The following SLC24A3 variants were observed in gnomAD, a reference collection of about 807,000 sequenced individuals.
SLC24A3 encodes solute carrier family 24 member 3, also known as sodium/potassium/calcium exchanger 3.
A neutral mutation model predicts 75.8 loss-of-function variants in SLC24A3; 28 were observed. The observed-to-expected ratio is 0.37, with a 90% CI of 0.27 to 0.51. The LOEUF (loss-of-function observed/expected upper bound fraction) is 0.51, where lower values mean the gene tolerates loss of function less well. Ranked by LOEUF, SLC24A3 falls within the 20% of genes least tolerant of loss-of-function variation. The pLI, the probability that SLC24A3 is intolerant of heterozygous loss-of-function variation, is 0.94. For missense variants in SLC24A3, 663 were observed against 847.8 expected (o/e 0.78, Z 2.71); for synonymous variants, 372 against 334.1 (o/e 1.11, Z -1.24).
chr20:19,384,391 A>G (rs1052123449), intron 2 of SLC24A3, among the ~76,000 whole-genome samples: 1 of 152,142 alleles, frequency 6.6e-6, no homozygotes, highest in Admixed American at 6.5e-5. Context: ...CAGGAGCTTG[A>G]CTTTTTTAGA....
chr20:19,213,032 T>TC (rs1245329091), intron 1 of SLC24A3, 48 bp downstream of exon 1: 2 of 1,192,086 alleles, frequency 1.7e-6, no homozygotes, highest in Admixed American at 8.8e-5. Context: ...CTCCGGCGGC[T>TC]CGGGGCTCCC....
rs1002720656 is a variant in SLC24A3 at position 19,389,345 on chromosome 20, A to G, written c.271+108258A>G. On this transcript the variant is annotated intron_variant, in intron 2 of 16. Coordinates refer to ENST00000328041, the MANE Select transcript of SLC24A3 (RefSeq NM_020689.4). The stretch of plus-strand genomic sequence containing the variant: ...TTATACTTTTACATGCTTTCATGTT[A>G]GTATTCTTTTGTTTCTACTTGAAGA... 2.0e-5 allele frequency among the ~76,000 whole-genome samples: 3 copies of G among 152,226 alleles called. No individual in the cohort carries two copies. In the South Asian group the frequency reaches 6.2e-4, roughly 32 times the overall value.
At position 19,685,372 on chromosome 20, in the gene SLC24A3, C is replaced by T. The variant is rs2032664658; in HGVS notation, c.1324+11C>T. 1 of 1,611,316 alleles carries T rather than the reference C, an allele frequency of 6.2e-7. No individual in the cohort carries two copies. Among genetic ancestry groups the T allele is most frequent in the Non-Finnish European group, 8.5e-7 (1 of 1,177,782 alleles). ...CATTCGACACCCCCTGTAAGAGGTT[C>T]TATGTCTGGGCTGGGGTTGGGAGCT... On this transcript the variant is annotated intron_variant, in intron 12 of 16. Transcript: ENST00000328041.
At chr20:19,618,950 A>G (rs919198612) in intron 6 of SLC24A3, among the ~76,000 whole-genome samples, 1 of 152,192 alleles carries the variant, frequency 6.6e-6, no homozygotes, top group Non-Finnish European at 1.5e-5. Context: ...CCCACAAACC[A>G]AACTGTAAAA....
At chr20:19,454,186 G>T (rs1321841801) in intron 2 of SLC24A3, among the ~76,000 whole-genome samples, 2 of 152,144 alleles carry the variant, frequency 1.3e-5, no homozygotes, top group Admixed American at 1.3e-4. Context: ...AGGCTGGGCA[G>T]CTGGGCTTGC....
chr20:19,343,093 A>G (rs1568594829), intron 2 of SLC24A3, among the ~76,000 whole-genome samples: 2 of 146,294 alleles, frequency 1.4e-5, no homozygotes, highest in Admixed American at 1.4e-4. Flanking sequence ...AAGAAAAAAG[A>G]AAAAGAAAAA....
At chr20:19,511,433 T>C (rs1419670830) in intron 2 of SLC24A3, among the ~76,000 whole-genome samples, 1 of 151,804 alleles carries the variant, frequency 6.6e-6, no homozygotes, top group Non-Finnish European at 1.5e-5. Flanking sequence ...GTTCACGCCA[T>C]TCTCCTGCCT....
intron 1 of SLC24A3, among the ~76,000 whole-genome samples, chr20:19,225,294 C>T (rs757999939): frequency 1.6e-4 from 25 of 152,186 alleles, no homozygotes; most frequent in Non-Finnish European, 2.8e-4. Context: ...GCTTTGTAAA[C>T]GTGATATGAA....
intron 1 of SLC24A3, among the ~76,000 whole-genome samples, chr20:19,267,479 A>G (rs967140441): frequency 6.6e-6 from 1 of 152,240 alleles, no homozygotes; most frequent in African/African-American, 2.4e-5. Context: ...AAGGTGTTGC[A>G]TTTACATATT....
rs1277169969 is a variant in SLC24A3 at position 19,495,095 on chromosome 20, T to G, written c.272-20393T>G. Reference sequence around the variant, plus strand: ...GAGGCAGGAGCTGGCCTTTGTACCCTAGTGTCTACCACCCCTCTTGGAGTG... The same window carrying G: ...GAGGCAGGAGCTGGCCTTTGTACCCGAGTGTCTACCACCCCTCTTGGAGTG... On this transcript the variant is annotated intron_variant, in intron 2 of 16. Transcript: ENST00000328041. Among the ~76,000 whole-genome samples the G allele has an allele frequency of 2.0e-5, 3 of 152,152 alleles. No homozygotes were observed. In the East Asian group the frequency reaches 5.8e-4, roughly 29 times the overall value.
intron 8 of SLC24A3, among the ~76,000 whole-genome samples, chr20:19,666,147 T>C (rs1350896782): frequency 6.6e-6 from 1 of 152,144 alleles, no homozygotes; most frequent in Non-Finnish European, 1.5e-5. Context: ...TTATCCTATG[T>C]CTGGACATCA....
chr20:19,616,933 AC>A (rs2031744053), intron 6 of SLC24A3, among the ~76,000 whole-genome samples: 1 of 152,178 alleles, frequency 6.6e-6, no homozygotes, highest in Non-Finnish European at 1.5e-5. Flanking sequence ...GGGCAGAAGA[AC>A]CATGGGCCAA....
chr20:19,513,081 C>G (rs2029913565), intron 2 of SLC24A3, among the ~76,000 whole-genome samples: 1 of 152,178 alleles, frequency 6.6e-6, no homozygotes, highest in Non-Finnish European at 1.5e-5. Flanking sequence ...TGCCAAAACA[C>G]CCTGTGGCAG....
chr20:19,443,611 C>A (rs1040467806), intron 2 of SLC24A3, among the ~76,000 whole-genome samples: 5 of 152,118 alleles, frequency 3.3e-5, no homozygotes, highest in East Asian at 1.9e-4. Flanking sequence ...AATTCTGAAA[C>A]CTGTAAGAGG....
chr20:19,511,486 C>T (rs1240787888), intron 2 of SLC24A3, among the ~76,000 whole-genome samples: 1 of 152,134 alleles, frequency 6.6e-6, no homozygotes, highest in Non-Finnish European at 1.5e-5. Flanking sequence ...CGCCACCACG[C>T]CCGGCTAATT....
At chr20:19,341,156 G>A (rs374928497) in intron 2 of SLC24A3, among the ~76,000 whole-genome samples, 1 of 152,192 alleles carries the variant, frequency 6.6e-6, no homozygotes, top group South Asian at 2.1e-4. Flanking sequence ...TCTGGGTAGC[G>A]GGAGTTTTTG....
At chr20:19,643,826 AC>A (rs2122700352) in intron 6 of SLC24A3, among the ~76,000 whole-genome samples, 1 of 152,346 alleles carries the variant, frequency 6.6e-6, no homozygotes, top group South Asian at 2.1e-4. Context: ...TCAGGTCAGG[AC>A]ACCAAAAGTG....
At chr20:19,468,747 C>T (rs1354095376) in intron 2 of SLC24A3, among the ~76,000 whole-genome samples, 5 of 152,120 alleles carry the variant, frequency 3.3e-5, no homozygotes, top group Middle Eastern at 3.2e-3. Flanking sequence ...ATAAATTGCT[C>T]GGATATGGCC....
At chr20:19,654,018 G>T (rs2032236639) in intron 6 of SLC24A3, 44 bp from the exon 7 acceptor site, 2 of 1,538,604 alleles carry the variant, frequency 1.3e-6, no homozygotes, top group Admixed American at 1.7e-5. Flanking sequence ...CATCTCATTT[G>T]TACAGTCTAT....
Sources: allele counts gnomAD v4.1 joint callset (sites outside exome capture counted in the v4.1 genomes callset), GRCh38; gene constraint gnomAD v4.1.1; transcripts MANE v1.5; gene names NCBI Gene and HGNC (gene_info 2026-07-23, HGNC 2026-07-21).